The following NLRP1 variants were observed in gnomAD, a reference collection of about 807,000 sequenced individuals.
NLRP1 encodes the protein NACHT, LRR and PYD domains-containing protein 1.
NLRP1 carries 94 observed loss-of-function variants against 136.7 expected under a neutral mutation model. The ratio of observed to expected loss-of-function variants is 0.69; its 90% CI spans 0.58 to 0.82. The LOEUF is 0.82. NLRP1 is among the 40% of genes least tolerant of loss of function. NLRP1 has a pLI of 0.00. For synonymous variants in NLRP1, 690 were observed against 725.1 expected (o/e 0.95, Z 0.78); for missense variants, 1,575 against 1,802.7 (o/e 0.87, Z 2.29).
downstream of NLRP1, among the ~76,000 whole-genome samples, chr17:5,511,466 A>T (rs1445351901): frequency 6.8e-6 from 1 of 148,148 alleles, no homozygotes; most frequent in Non-Finnish European, 1.5e-5. Context: ...ATCTGGATCC[A>T]AAGCGGACAT....
At chr17:5,549,639 C>A (rs1263602758) in intron 5 of NLRP1, among the ~76,000 whole-genome samples, 1 of 152,164 alleles carries the variant, frequency 6.6e-6, no homozygotes, top group Non-Finnish European at 1.5e-5. Flanking sequence ...ATGTCACCTG[C>A]AAATAATAGT....
At chr17:5,521,111 G>T in intron 13 of NLRP1, 99 bp from the exon 14 acceptor site, 1 of 1,258,366 alleles carries the variant, frequency 7.9e-7, no homozygotes, top group Non-Finnish European at 1.1e-6. Context: ...TGTGGACAGA[G>T]TGGGGCTATA....
intron 3 of NLRP1, among the ~76,000 whole-genome samples, chr17:5,572,504 G>T (rs1904484938): frequency 6.6e-6 from 1 of 152,066 alleles, no homozygotes; most frequent in African/African-American, 2.4e-5. Context: ...ATCACTTGAG[G>T]TGAGGAATTC....
At position 5,514,312 on chromosome 17, in the gene NLRP1, G is replaced by A; in HGVS notation, c.*442C>T. 1.5e-6 allele frequency: 1 copy of A among 661,810 alleles called. No individual in the cohort carries two copies. The highest frequency in any genetic ancestry group is 1.9e-6 in the Non-Finnish European group (1 of 525,882). 41.0% of individuals were successfully genotyped at this position (661,810 alleles called of 1,614,324 possible). Reference sequence around the variant, plus strand: ...AACTTCCTTCCACTTTACTCTGTTGGCTTGCTCTTGTAGATCTTCCTGTAC... The same window carrying A: ...AACTTCCTTCCACTTTACTCTGTTGACTTGCTCTTGTAGATCTTCCTGTAC... On this transcript the variant is annotated 3_prime_UTR_variant, in exon 17 of 17. Coordinates refer to ENST00000572272, the MANE Select transcript of NLRP1 (RefSeq NM_033004.4).
At chr17:5,529,655 T>C (rs1027085331) in intron 12 of NLRP1, among the ~76,000 whole-genome samples, 1 of 152,196 alleles carries the variant, frequency 6.6e-6, no homozygotes, top group Non-Finnish European at 1.5e-5. Context: ...CGTGAGCCAC[T>C]GCGCCCGGCC....
chr17:5,524,590 C>T (rs1439917670), intron 12 of NLRP1, among the ~76,000 whole-genome samples: 2 of 152,250 alleles, frequency 1.3e-5, no homozygotes, highest in Non-Finnish European at 2.9e-5. Flanking sequence ...TGCTGGTTTG[C>T]GTTGCCATCA....
At chr17:5,529,272 T>G (rs141101937) in intron 12 of NLRP1, among the ~76,000 whole-genome samples, 123 of 64,564 alleles carry the variant, frequency 1.9e-3, no homozygotes, top group African/African-American at 6.3e-3. Context: ...TTGTTGAATA[T>G]TCTATTTTTT....
intron 5 of NLRP1, among the ~76,000 whole-genome samples, chr17:5,550,396 T>C (rs1301406315): frequency 6.6e-6 from 1 of 152,212 alleles, no homozygotes; most frequent in Non-Finnish European, 1.5e-5. Flanking sequence ...CTATTAAGAT[T>C]TTGTATTTCT....
In NLRP1 at chr17:5,536,920, C is replaced by T. The variant is rs1486245506; in HGVS notation, c.2891G>A (p.Ser964Asn). ...IRLGLDQTTL[S>N]DEMRQELRAL... is the part of the protein sequence containing the mutation. ...CCTCAGTTCCTGCCTCATCTCATCA[C>T]TCAGAGTTGTCTGGTCCAGCCTGAA... The change falls in exon 8 of 17, where the codon AGT (serine) becomes AAT (asparagine). Residue 964 changes from serine (S) to asparagine (N), a missense_variant. Physicochemically the swap from Ser to Asn is conservative, Grantham distance 46 (BLOSUM62 1). Transcript: ENST00000572272. 6.2e-7 allele frequency: 1 copy of T among 1,613,598 alleles called. No individual in the cohort carries two copies. The highest frequency in any genetic ancestry group is 8.5e-7 in the Non-Finnish European group (1 of 1,179,604).
chr17:5,563,121 AT>A (rs1286050964), intron 3 of NLRP1, among the ~76,000 whole-genome samples: 2 of 152,138 alleles, frequency 1.3e-5, no homozygotes, highest in Non-Finnish European at 2.9e-5. Context: ...AAAAAACCCC[AT>A]CCAAAGGAAG....
chr17:5,559,566 A>G lies in NLRP1; in HGVS notation c.1130T>C (p.Val377Ala), dbSNP rs1217453959. ...FSCRELAQSKVVSLAELIGKD... is the reference protein window; with the variant it reads ...FSCRELAQSKAVSLAELIGKD... ...TCCGATGAGCTCAGCGAGACTCACC[A>G]CCTTGGACTGGGCCAGCTCTCTGCA... Residue 377 changes from valine to alanine, a missense_variant, in exon 4 of 17, where the codon GTG becomes GCG. Transcript: ENST00000572272. 1.9e-6 allele frequency: 3 copies of G among 1,614,006 alleles called. No homozygotes were observed. The highest frequency in any genetic ancestry group is 2.5e-6 in the Non-Finnish European group (3 of 1,180,024).
rs1395980352 is a variant in NLRP1, at chr17:5,537,829, T to C, written c.2871-889A>G. Among the ~76,000 whole-genome samples the C allele has an allele frequency of 2.6e-5, 4 of 152,178 alleles. No homozygotes were observed. The highest frequency in any genetic ancestry group is 2.6e-4 in the Admixed American group (4 of 15,278). On this transcript the variant is annotated intron_variant, in intron 7 of 16. Transcript: ENST00000572272. This position sits in a 1 kb window ranked among gnomAD's most constrained non-coding sequence, Gnocchi z 4.5. The stretch of plus-strand genomic sequence containing the variant: ...GACAGGTAAGTGTTGAGCTGGGGCC[T>C]GAAGCCATATCTGCCTGCCATGGCC...
At chr17:5,517,922 C>G (rs1567631019) in intron 14 of NLRP1, 35 bp from the exon 15 acceptor site, 1 of 1,611,074 alleles carries the variant, frequency 6.2e-7, no homozygotes, top group East Asian at 2.2e-5. Flanking sequence ...CCACCCTGTT[C>G]ATCTTGCATG....
At chr17:5,568,986 G>A (rs1915605379) in intron 3 of NLRP1, among the ~76,000 whole-genome samples, 1 of 152,062 alleles carries the variant, frequency 6.6e-6, no homozygotes, top group African/African-American at 2.4e-5. Flanking sequence ...CTACCACTAT[G>A]ACTGTGCTCC....
chr17:5,540,319 G>C (rs997765211), intron 6 of NLRP1, among the ~76,000 whole-genome samples: 3 of 152,200 alleles, frequency 2.0e-5, no homozygotes, highest in African/African-American at 7.2e-5. Flanking sequence ...TTTGTGCTGT[G>C]CTACCATTTA....
downstream of NLRP1, chr17:5,512,110 T>C: frequency 1.3e-6 from 1 of 778,886 alleles, no homozygotes; most frequent in South Asian, 1.4e-5. Context: ...AATGTCTTCA[T>C]AGTCTGCACT....
chr17:5,572,243 A>G (rs1904444961), intron 3 of NLRP1, among the ~76,000 whole-genome samples: 1 of 152,238 alleles, frequency 6.6e-6, no homozygotes, highest in Non-Finnish European at 1.5e-5. Flanking sequence ...ACAAAAATTG[A>G]CAAATGGGAC....
At chr17:5,521,380 C>T (rs532765873) in intron 13 of NLRP1, 144 bp downstream of exon 13, 176 of 805,600 alleles carry the variant, frequency 2.2e-4, no homozygotes, top group Non-Finnish European at 3.0e-4. Flanking sequence ...TGAGAGGGGA[C>T]GAATTGTTTG....
Position 5,525,976 on chromosome 17 carries a change from T to TC in NLRP1, c.3521-4191_3521-4190insG, listed in dbSNP as rs1909487513. On this transcript the variant is annotated intron_variant, in intron 12 of 16. Coordinates refer to ENST00000572272, the MANE Select transcript of NLRP1 (RefSeq NM_033004.4). ...TTGGGGTCTGGGAAGAAAAAGCTAC[T>TC]AAATTTTTTTTTTTTTTGAGACAGA... Among the ~76,000 whole-genome samples, 5 of 96,078 alleles carry TC rather than the reference T, an allele frequency of 5.2e-5. No homozygotes were observed. In the South Asian group the frequency reaches 2.1e-3, roughly 41 times the overall value. The allele number at this position is 96,078 out of a possible 152,430, so 63.0% of individuals were successfully genotyped here.
Sources: allele counts gnomAD v4.1 joint callset (sites outside exome capture counted in the v4.1 genomes callset), GRCh38; gene constraint gnomAD v4.1.1; non-coding constraint Gnocchi (gnomAD v3.1); transcripts MANE v1.5; gene names NCBI Gene and HGNC (gene_info 2026-07-23, HGNC 2026-07-21).